CALCR: variants seen among roughly 807,000 people sequenced by gnomAD.
The protein encoded by CALCR is calcitonin receptor.
Under a neutral mutation model 59.5 loss-of-function variants are expected in CALCR, and 47 were observed. That is an observed-to-expected ratio of 0.79 (90% CI 0.63 to 1.01). CALCR has a LOEUF of 1.01. Ranked by LOEUF, CALCR falls within the 50% of genes least tolerant of loss-of-function variation. The probability of loss-of-function intolerance (pLI) is 0.00; values close to 1 mark genes in which losing one functional copy is unlikely to be tolerated. For missense variants in CALCR, 566 were observed against 597.1 expected (o/e 0.95, Z 0.54); for synonymous variants, 213 against 211.3 (o/e 1.01, Z -0.07).
intron 4 of CALCR, among the ~76,000 whole-genome samples, chr7:93,478,705 G>A (rs1800725584): frequency 6.6e-6 from 1 of 151,476 alleles, no homozygotes; most frequent in South Asian, 2.1e-4. Context: ...CAGGGGACAA[G>A]TAGGAGAATT....
chr7:93,553,791 A>G (rs1789525661), intron 2 of CALCR, among the ~76,000 whole-genome samples: 1 of 152,122 alleles, frequency 6.6e-6, no homozygotes, highest in African/African-American at 2.4e-5. Flanking sequence ...TTCTCCACAA[A>G]ATTATATCAT....
intron 2 of CALCR, among the ~76,000 whole-genome samples, chr7:93,503,595 T>TG (rs1373361039): frequency 6.6e-6 from 1 of 152,042 alleles, no homozygotes; most frequent in African/African-American, 2.4e-5. Flanking sequence ...GAATTGCTTT[T>TG]GAAAAAAAAG....
At chr7:93,522,612 T>A (rs940948473) in intron 2 of CALCR, among the ~76,000 whole-genome samples, 70 of 152,320 alleles carry the variant, frequency 4.6e-4, no homozygotes, top group Non-Finnish European at 4.3e-4. Context: ...ATTTCTACAA[T>A]TTCCTTCAAA....
chr7:93,456,285 G>C (rs1800206594), intron 8 of CALCR, among the ~76,000 whole-genome samples: 1 of 152,154 alleles, frequency 6.6e-6, no homozygotes, highest in South Asian at 2.1e-4. Context: ...GAGGCACAGT[G>C]TGTTCTCACA....
chr7:93,568,401 C>T (rs1384921514), intron 2 of CALCR, among the ~76,000 whole-genome samples: 3 of 152,068 alleles, frequency 2.0e-5, no homozygotes, highest in African/African-American at 7.2e-5. Context: ...ACTAAAATTG[C>T]TCTCAATTAA....
At chr7:93,531,766 C>T (rs1788846477) in intron 2 of CALCR, among the ~76,000 whole-genome samples, 4 of 151,926 alleles carry the variant, frequency 2.6e-5, no homozygotes, top group South Asian at 4.1e-4. Flanking sequence ...AAGAAAAGTC[C>T]CCTAGCTTAG....
chr7:93,515,282 C>A (rs1414591563), intron 2 of CALCR, among the ~76,000 whole-genome samples: 1 of 151,974 alleles, frequency 6.6e-6, no homozygotes, highest in Non-Finnish European at 1.5e-5. Context: ...TGTAGGAGTT[C>A]TGAAGCAAAC....
chr7:93,482,900 A>G, intron 3 of CALCR: 1 of 530,612 alleles, frequency 1.9e-6, no homozygotes, highest in Non-Finnish European at 3.9e-6. Context: ...AATCTGCATC[A>G]GTTCCTGGTC....
intron 7 of CALCR, among the ~76,000 whole-genome samples, chr7:93,464,505 A>G (rs3802050): frequency 0.46 from 70,522 of 151,664 alleles, 16,644 homozygotes; most frequent in South Asian, 0.55. Flanking sequence ...GAACTGAAAA[A>G]AAGAGAGAAA....
chr7:93,437,894 C>T (rs1379036928), intron 11 of CALCR, among the ~76,000 whole-genome samples, 166 bp downstream of exon 11: 4 of 151,960 alleles, frequency 2.6e-5, no homozygotes, highest in East Asian at 1.9e-4. Context: ...GAGTAAAAGG[C>T]GTTTTTTTGA....
At chr7:93,453,828 A>G (rs1299773810) in intron 8 of CALCR, among the ~76,000 whole-genome samples, 1 of 152,068 alleles carries the variant, frequency 6.6e-6, no homozygotes, top group Non-Finnish European at 1.5e-5. Context: ...ATTATAAATA[A>G]TAACTTTAAA....
chr7:93,470,058 A>G (rs1024499586), intron 6 of CALCR, among the ~76,000 whole-genome samples: 10 of 151,746 alleles, frequency 6.6e-5, no homozygotes, highest in Non-Finnish European at 1.5e-4. Flanking sequence ...AAATGGACTA[A>G]TTAGCTTCTC....
chr7:93,459,239 T>A (rs2115797477), intron 8 of CALCR, among the ~76,000 whole-genome samples: 1 of 152,292 alleles, frequency 6.6e-6, no homozygotes, highest in Non-Finnish European at 1.5e-5. Context: ...TTGGTGTTAC[T>A]AAGCCCTCAC....
intron 2 of CALCR, among the ~76,000 whole-genome samples, chr7:93,514,561 A>C (rs1801611937): frequency 6.6e-6 from 1 of 152,000 alleles, no homozygotes; most frequent in African/African-American, 2.4e-5. Flanking sequence ...GCAGCTCACT[A>C]AAGTTGACGC....
chr7:93,554,130 A>T (rs1371718130), intron 2 of CALCR, among the ~76,000 whole-genome samples: 1 of 152,110 alleles, frequency 6.6e-6, no homozygotes, highest in African/African-American at 2.4e-5. Context: ...TTAGTGTGAC[A>T]TTTTCACGTG....
chr7:93,497,671 T>C (rs1801237641), intron 2 of CALCR, among the ~76,000 whole-genome samples: 1 of 151,616 alleles, frequency 6.6e-6, no homozygotes. Flanking sequence ...ATCATACTTG[T>C]TCAATACATG....
In CALCR at chr7:93,504,611, C is replaced by T. The variant is rs118076520; in HGVS notation, c.-26-17604G>A. 3.7e-3 allele frequency among the ~76,000 whole-genome samples: 561 copies of T among 152,184 alleles called. 1 individual carries two copies. Among genetic ancestry groups the T allele is most frequent in the Non-Finnish European group, 6.1e-3 (412 of 68,008 alleles). On this transcript the variant is annotated intron_variant, in intron 2 of 13. Transcript: ENST00000426151. ...AAGTTTTTAAGACCTAAGAGAGATA[C>T]GTGTTCAAAATGTTCAATATCCTCA...
At chr7:93,542,266 C>A (rs1309628303) in intron 2 of CALCR, among the ~76,000 whole-genome samples, 1 of 152,198 alleles carries the variant, frequency 6.6e-6, no homozygotes, top group Non-Finnish European at 1.5e-5. Context: ...TCCTAGGCTA[C>A]AAACCTATAC....
chr7:93,428,537 A>T (rs1799579536), intron 13 of CALCR, among the ~76,000 whole-genome samples: 1 of 152,234 alleles, frequency 6.6e-6, no homozygotes, highest in Non-Finnish European at 1.5e-5. Flanking sequence ...GTGGTGGCTC[A>T]TGCCTGTAAT....
Sources: allele counts gnomAD v4.1 joint callset (sites outside exome capture counted in the v4.1 genomes callset), GRCh38; gene constraint gnomAD v4.1.1; transcripts MANE v1.5; gene names NCBI Gene and HGNC (gene_info 2026-07-23, HGNC 2026-07-21).